PTPRD: variants seen among roughly 807,000 people sequenced by gnomAD.
PTPRD encodes receptor-type tyrosine-protein phosphatase delta.
In PTPRD, 34 loss-of-function variants were observed where a neutral mutation model predicts 214.5. That is an observed-to-expected ratio of 0.16 (90% CI 0.12 to 0.21). The LOEUF (loss-of-function observed/expected upper bound fraction) is 0.21, where lower values mean the gene tolerates loss of function less well. Among genes scored for constraint, PTPRD ranks in the 10% least tolerant of loss-of-function variants. PTPRD has a pLI of 1.00. For missense variants in PTPRD, 2,545 were observed against 2,398.7 expected, an observed-to-expected ratio of 1.06 and a Z score of -1.27; for synonymous variants, 1,128 against 845.7, an observed-to-expected ratio of 1.33 and a Z score of -5.79.
chr9:8,562,853 T>C (rs1259447777), intron 14 of PTPRD, among the ~76,000 whole-genome samples: 3 of 152,084 alleles, frequency 2.0e-5, no homozygotes, highest in Non-Finnish European at 4.4e-5. Context: ...TTTTCTTTTT[T>C]TTTTTTTTTG....
chr9:8,607,028 G>C (rs1300973935), intron 14 of PTPRD, among the ~76,000 whole-genome samples: 1 of 152,176 alleles, frequency 6.6e-6, no homozygotes, highest in Non-Finnish European at 1.5e-5. Flanking sequence ...GACTACCTGG[G>C]GCTGCAGGGT....
intron 10 of PTPRD, among the ~76,000 whole-genome samples, chr9:9,088,098 T>G (rs111779726): frequency 2.0e-5 from 3 of 151,384 alleles, no homozygotes; most frequent in African/African-American, 7.3e-5. Flanking sequence ...TCCAGGCTGG[T>G]CTTGAACTCC....
At chr9:9,032,338 G>A (rs1275843644) in intron 10 of PTPRD, among the ~76,000 whole-genome samples, 2 of 151,970 alleles carry the variant, frequency 1.3e-5, no homozygotes, top group Non-Finnish European at 2.9e-5. Context: ...TGCTGACACA[G>A]CTCTCAGCAC....
chr9:9,360,555 T>C (rs559882606), intron 9 of PTPRD, among the ~76,000 whole-genome samples: 34 of 151,174 alleles, frequency 2.2e-4, no homozygotes, highest in African/African-American at 7.7e-4. Flanking sequence ...AATTGGGAAA[T>C]TATCTAGAAG....
chr9:9,445,323 A>G (rs1405153747), intron 8 of PTPRD, among the ~76,000 whole-genome samples: 4 of 152,162 alleles, frequency 2.6e-5, no homozygotes, highest in Non-Finnish European at 4.4e-5. Context: ...TATGCATGCC[A>G]TTGATGGATC....
chr9:9,814,048 T>A (rs2047981955), intron 5 of PTPRD, among the ~76,000 whole-genome samples: 1 of 152,134 alleles, frequency 6.6e-6, no homozygotes, highest in South Asian at 2.1e-4. Flanking sequence ...AGGATAAATA[T>A]CACATGATCT....
intron 14 of PTPRD, among the ~76,000 whole-genome samples, chr9:8,561,794 T>C (rs1156968485): frequency 6.6e-6 from 1 of 151,814 alleles, no homozygotes; most frequent in East Asian, 1.9e-4. Context: ...GGCACCATTG[T>C]AAAGGGTAAG....
intron 4 of PTPRD, among the ~76,000 whole-genome samples, chr9:9,942,724 G>A (rs1324485014): frequency 1.3e-5 from 2 of 152,064 alleles, no homozygotes; most frequent in African/African-American, 4.8e-5. Context: ...AAGGTAGTTT[G>A]AGCATGTTTT....
chr9:8,526,243 G>A (rs762104915), intron 17 of PTPRD, among the ~76,000 whole-genome samples: 28 of 145,272 alleles, frequency 1.9e-4, no homozygotes, highest in African/African-American at 6.4e-4. Context: ...TTTTTTCTCC[G>A]GTTGGACAAA....
intron 5 of PTPRD, among the ~76,000 whole-genome samples, chr9:9,885,244 T>C (rs2070399892): frequency 6.6e-6 from 1 of 151,984 alleles, no homozygotes; most frequent in South Asian, 2.1e-4. Flanking sequence ...AATTACTAAA[T>C]TGAGAAGGAA....
chr9:10,102,256 T>C (rs898760417), intron 3 of PTPRD, among the ~76,000 whole-genome samples: 1 of 151,652 alleles, frequency 6.6e-6, no homozygotes, highest in African/African-American at 2.4e-5. Flanking sequence ...TCAAGATATT[T>C]CATCTAAAAT....
intron 9 of PTPRD, among the ~76,000 whole-genome samples, chr9:9,217,726 C>A (rs902343036): frequency 2.0e-5 from 3 of 152,168 alleles, no homozygotes; most frequent in African/African-American, 4.8e-5. Context: ...CTTGACATAA[C>A]CTTCCTTGGA....
At chr9:10,483,998 T>G (rs1213245697) in intron 2 of PTPRD, among the ~76,000 whole-genome samples, 1 of 152,112 alleles carries the variant, frequency 6.6e-6, no homozygotes, top group Non-Finnish European at 1.5e-5. Flanking sequence ...AAATTCACAA[T>G]TGCAAAGATA....
At chr9:8,328,797 C>T (rs897805624) in intron 44 of PTPRD, among the ~76,000 whole-genome samples, 5 of 151,954 alleles carry the variant, frequency 3.3e-5, no homozygotes, top group East Asian at 3.9e-4. Context: ...CTCGGACATC[C>T]GTTCTTCCAC....
chr9:10,136,252 G>T (rs1728041115), intron 3 of PTPRD, among the ~76,000 whole-genome samples: 1 of 152,030 alleles, frequency 6.6e-6, no homozygotes, highest in South Asian at 2.1e-4. Flanking sequence ...TTCTTGGACT[G>T]CAGTAAGATT....
intron 11 of PTPRD, among the ~76,000 whole-genome samples, chr9:9,016,353 T>A (rs1261846213): frequency 6.6e-6 from 1 of 152,198 alleles, no homozygotes; most frequent in Non-Finnish European, 1.5e-5. Flanking sequence ...AGTTCTGGGT[T>A]CCAATTCCAA....
chr9:9,798,681 G>A (rs1340871833), intron 5 of PTPRD, among the ~76,000 whole-genome samples: 1 of 152,140 alleles, frequency 6.6e-6, no homozygotes, highest in Non-Finnish European at 1.5e-5. Context: ...TAGAAATGCA[G>A]TAAGAAATGG....
intron 11 of PTPRD, among the ~76,000 whole-genome samples, chr9:9,015,052 A>G (rs2099528836): frequency 6.6e-6 from 1 of 152,172 alleles, no homozygotes; most frequent in South Asian, 2.1e-4. Flanking sequence ...ACTATTTAAA[A>G]TCAATTTGTG....
intron 11 of PTPRD, chr9:8,797,258 T>C (rs961702160): frequency 3.3e-5 from 5 of 152,216 alleles, no homozygotes; most frequent in African/African-American, 1.2e-4. Flanking sequence ...CCTAATACGA[T>C]TGCCTTATGG....
Sources: allele counts gnomAD v4.1 joint callset (sites outside exome capture counted in the v4.1 genomes callset), GRCh38; gene constraint gnomAD v4.1.1; transcripts MANE v1.5; gene names NCBI Gene and HGNC (gene_info 2026-07-23, HGNC 2026-07-21).